The following AHCTF1 variants were observed in gnomAD, a reference collection of about 807,000 sequenced individuals.
AHCTF1 encodes protein ELYS.
A neutral mutation model predicts 248.4 loss-of-function variants in AHCTF1; 24 were observed. The observed-to-expected ratio is 0.10, with a 90% CI of 0.07 to 0.14. The LOEUF (loss-of-function observed/expected upper bound fraction) is 0.14. AHCTF1 is among the 10% of genes least tolerant of loss of function. The pLI is 1.00. For synonymous variants in AHCTF1, 786 were observed against 929.8 expected (o/e 0.85, Z 2.81); for missense variants, 2,206 against 2,636.2 (o/e 0.84, Z 3.57).
At chr1:246,930,044 C>T (rs1305331567) in intron 1 of AHCTF1, among the ~76,000 whole-genome samples, 62 of 136,966 alleles carry the variant, frequency 4.5e-4, no homozygotes, top group African/African-American at 1.9e-3. Context: ...AGAGCAAGAC[C>T]CCGTCTCAAA....
intron 26 of AHCTF1, among the ~76,000 whole-genome samples, chr1:246,866,303 C>T (rs1661973239): frequency 1.3e-5 from 2 of 151,826 alleles, no homozygotes; most frequent in South Asian, 4.1e-4. Context: ...TACAAAAAGA[C>T]CAAGAAAAGG....
At chr1:246,887,403 C>G in intron 19 of AHCTF1, 46 bp from the exon 20 acceptor site, 2 of 1,546,898 alleles carry the variant, frequency 1.3e-6, no homozygotes, top group East Asian at 4.6e-5. Flanking sequence ...CAACAAAAAC[C>G]TCCTACGTAT....
intron 8 of AHCTF1, among the ~76,000 whole-genome samples, chr1:246,901,939 C>G (rs1665030866): frequency 6.6e-6 from 1 of 152,186 alleles, no homozygotes; most frequent in Non-Finnish European, 1.5e-5. Context: ...GATACAGGCC[C>G]TAGCAAAAAG....
intron 16 of AHCTF1, 34 bp from the exon 17 acceptor site, chr1:246,890,093 A>T: frequency 7.0e-7 from 1 of 1,424,868 alleles, no homozygotes; most frequent in Non-Finnish European, 9.9e-7. Flanking sequence ...AAAGCTGGTA[A>T]TAATCCCCAA....
At chr1:246,866,824 G>A (rs1286342976) in intron 26 of AHCTF1, among the ~76,000 whole-genome samples, 1 of 151,978 alleles carries the variant, frequency 6.6e-6, no homozygotes, top group Non-Finnish European at 1.5e-5. Context: ...TAACACCACA[G>A]GTAAGATGTA....
At chr1:246,919,294 T>A (rs1486561645) in intron 1 of AHCTF1, among the ~76,000 whole-genome samples, 1 of 152,126 alleles carries the variant, frequency 6.6e-6, no homozygotes, top group Non-Finnish European at 1.5e-5. Flanking sequence ...GCAAGAACAA[T>A]ACCCATTGTA....
chr1:246,855,025 CA>C (rs1411911450), intron 31 of AHCTF1, among the ~76,000 whole-genome samples: 8 of 152,210 alleles, frequency 5.3e-5, no homozygotes, highest in Non-Finnish European at 8.8e-5. Context: ...AATCATGGGA[CA>C]AAAACTAGTC....
At position 246,853,217 on chromosome 1, in the gene AHCTF1, G is replaced by T. The variant is rs768181822; in HGVS notation, c.4437C>A (p.Asn1479Lys). 5.0e-6 allele frequency: 8 copies of T among 1,613,714 alleles called. No homozygotes were observed. The highest frequency in any genetic ancestry group is 5.9e-6 in the Non-Finnish European group (7 of 1,179,876). ...CTTTTAAGTTCAGCGCTACTTCCTG[G>T]TTAAGCCTGCGCTCAGAGACAATAG... ...EGPIVSERRL[N>K]QEVALNLKED... Residue 1479 changes from asparagine to lysine, a missense_variant, in exon 32 of 36, where the codon AAC becomes AAA. By Grantham distance (94) the Asn-to-Lys change is moderately conservative. Around this residue, in one of 6 missense-constraint regions of AHCTF1, gnomAD observed 955 missense variants for 1,055.6 expected, o/e 0.90. Coordinates refer to ENST00000648844, the MANE Select transcript of AHCTF1 (RefSeq NM_001323342.2).
At chr1:246,879,024 T>C (rs985743415) in intron 21 of AHCTF1, among the ~76,000 whole-genome samples, 5 of 152,190 alleles carry the variant, frequency 3.3e-5, no homozygotes, top group Non-Finnish European at 7.3e-5. Context: ...CAGAACATTT[T>C]TGTATAAAGA....
At chr1:246,892,622 A>T (rs1393589638) in intron 14 of AHCTF1, among the ~76,000 whole-genome samples, 1 of 151,060 alleles carries the variant, frequency 6.6e-6, no homozygotes, top group African/African-American at 2.4e-5. Context: ...TGCCCGACCT[A>T]ATTTGCTTTA....
chr1:246,851,279 C>T lies in AHCTF1; in HGVS notation c.4727G>A (p.Cys1576Tyr). ...DLADNKDTAE[C>Y]DIAEVDGELF... Reference sequence around the variant, plus strand: ...TTCCCCATCTACTTCAGCAATGTCACATTCAGCAGTGTCTTTGTTATCAGC... The same window carrying T: ...TTCCCCATCTACTTCAGCAATGTCATATTCAGCAGTGTCTTTGTTATCAGC... Residue 1576 changes from cysteine (C) to tyrosine (Y), a missense_variant, in exon 33 of 36, where the codon TGT (cysteine) becomes TAT (tyrosine). By Grantham distance (194) the Cys-to-Tyr change is radical. This residue lies in a region of AHCTF1 where 955 missense variants were observed against 1,055.6 expected (regional missense o/e 0.90). Transcript: ENST00000648844. 1.2e-6 allele frequency: 2 copies of T among 1,613,992 alleles called. No homozygotes were observed. Among genetic ancestry groups the T allele is most frequent in the Non-Finnish European group, 1.7e-6 (2 of 1,179,894 alleles).
Position 246,849,864 on chromosome 1 carries a change from G to C in AHCTF1, c.6142C>G (p.Leu2048Val). ...CTTTGACTTTCAGTCTTTTTTGTAAGTTTTTTCTTAGAGCTCATCACCATC... is the reference window on the plus strand; with the variant it reads ...CTTTGACTTTCAGTCTTTTTTGTAACTTTTTTCTTAGAGCTCATCACCATC... ...LSMVMSSKKK[L>V]TKKTESQSQK... Residue 2048 changes from leucine (L) to valine (V), a missense_variant, in exon 33 of 36, where the codon CTT becomes GTT. This residue lies in a region of AHCTF1 where 469 missense variants were observed against 470.0 expected (regional missense o/e 1.00). Transcript: ENST00000648844. 1 of 1,613,798 alleles carries C rather than the reference G, an allele frequency of 6.2e-7. No individual in the cohort carries two copies. The highest frequency in any genetic ancestry group is 8.5e-7 in the Non-Finnish European group (1 of 1,179,808).
chr1:246,929,767 G>A (rs1391163855), intron 1 of AHCTF1, among the ~76,000 whole-genome samples: 2 of 152,094 alleles, frequency 1.3e-5, no homozygotes, highest in Non-Finnish European at 2.9e-5. Flanking sequence ...AAATATATCT[G>A]TACCAGCCGG....
At chr1:246,846,177 T>A (rs1249908292) in intron 33 of AHCTF1, among the ~76,000 whole-genome samples, 1 of 150,700 alleles carries the variant, frequency 6.6e-6, no homozygotes, top group Non-Finnish European at 1.5e-5. Context: ...ATTCATTTAG[T>A]AAAACACAAA....
intron 35 of AHCTF1, among the ~76,000 whole-genome samples, chr1:246,841,470 C>A (rs927246429): frequency 3.3e-5 from 5 of 152,108 alleles, no homozygotes; most frequent in African/African-American, 1.2e-4. Flanking sequence ...GTGGTATTAG[C>A]CATAGTGTCT....
At position 246,898,288 on chromosome 1, in the gene AHCTF1, G is replaced by T. The variant is rs201113359; in HGVS notation, c.1543C>A (p.Pro515Thr). The T allele has an allele frequency of 6.2e-7, 1 of 1,613,006 alleles. No homozygotes were observed. The highest frequency in any genetic ancestry group is 1.1e-5 in the South Asian group (1 of 91,040). The stretch of plus-strand genomic sequence containing the variant: ...ACAAGACATCGATTATAACCATCAG[G>T]AATGAGTTCATTGAGTGATGGACCT... Reference protein sequence around the residue: ...KSGPSLNELIPDGYNRCLVAG... With the variant: ...KSGPSLNELITDGYNRCLVAG... The change falls in exon 12 of 36, where the codon CCT (proline) becomes ACT (threonine). Residue 515 changes from proline to threonine, a missense_variant. Physicochemically the swap from Pro to Thr is conservative, Grantham distance 38. Around this residue, in one of 6 missense-constraint regions of AHCTF1, gnomAD observed 650 missense variants for 870.8 expected, o/e 0.75. Transcript: ENST00000648844.
intron 1 of AHCTF1, among the ~76,000 whole-genome samples, chr1:246,920,142 C>CAAAAAAAAAAA (rs68194249): frequency 3.4e-4 from 14 of 40,802 alleles, no homozygotes; most frequent in Middle Eastern, 0.02. Context: ...CTGTCCCCCG[C>CAAAAAAAAAAA]AAAAAAAAAA....
intron 8 of AHCTF1, among the ~76,000 whole-genome samples, 156 bp downstream of exon 8, chr1:246,902,369 C>T (rs1472362425): frequency 1.3e-5 from 2 of 152,034 alleles, no homozygotes; most frequent in African/African-American, 2.4e-5. Flanking sequence ...ATCTGGAGAG[C>T]AAGAAATATC....
Position 246,867,663 on chromosome 1 carries a change from A to G in AHCTF1, c.3237T>C (p.Asn1079=), listed in dbSNP as rs748091418. 1.7e-5 allele frequency: 28 copies of G among 1,611,642 alleles called. No homozygotes were observed. The highest frequency in any genetic ancestry group is 2.3e-5 in the Non-Finnish European group (27 of 1,179,710). The change falls in exon 25 of 36, where the codon AAT becomes AAC. Residue 1079 remains asparagine, a splice_region_variant and synonymous_variant. Transcript: ENST00000648844. ...KEPINSTTPF[N]SSKIEEPSPI... is the part of the protein sequence containing the mutation. Reference sequence around the variant, plus strand: ...ATGAAACGTGTAAGAAAACATACCTATTGAAAGGTGTGGTGCTATTTATAG... The same window carrying G: ...ATGAAACGTGTAAGAAAACATACCTGTTGAAAGGTGTGGTGCTATTTATAG...
Sources: allele counts gnomAD v4.1 joint callset (sites outside exome capture counted in the v4.1 genomes callset), GRCh38; gene constraint gnomAD v4.1.1; regional missense constraint gnomAD v4.1.1; transcripts MANE v1.5; gene names NCBI Gene and HGNC (gene_info 2026-07-23, HGNC 2026-07-21).